Variants in MICU2 observed in about 807,000 individuals in gnomAD.
MICU2 encodes the protein calcium uptake protein 2, mitochondrial.
A neutral mutation model predicts 60.4 loss-of-function variants in MICU2; 64 were observed. The observed-to-expected ratio is 1.06, with a 90% CI of 0.87 to 1.31. The LOEUF (loss-of-function observed/expected upper bound fraction) is 1.31. Ranked by LOEUF, MICU2 falls within the 50% of genes most tolerant of loss-of-function variation. The probability of loss-of-function intolerance (pLI) is 0.00; values close to 1 mark genes in which losing one functional copy is unlikely to be tolerated. For synonymous variants in MICU2, 201 were observed against 175.0 expected (o/e 1.15, Z -1.17); for missense variants, 569 against 531.0 (o/e 1.07, Z -0.70).
intron 2 of MICU2, among the ~76,000 whole-genome samples, chr13:21,563,927 G>A (rs1465350097): frequency 6.6e-6 from 1 of 151,696 alleles, no homozygotes; most frequent in Non-Finnish European, 1.5e-5. Context: ...CTCAGCCTCT[G>A]AAGTAGCTAG....
intron 4 of MICU2, among the ~76,000 whole-genome samples, chr13:21,536,781 A>C (rs1449151584): frequency 6.6e-6 from 1 of 152,258 alleles, no homozygotes; most frequent in Admixed American, 6.5e-5. Flanking sequence ...AACAGGAAAC[A>C]ATAATTAATT....
At chr13:21,499,571 T>A (rs185692648) in intron 9 of MICU2, among the ~76,000 whole-genome samples, 1 of 151,864 alleles carries the variant, frequency 6.6e-6, no homozygotes, top group Non-Finnish European at 1.5e-5. Flanking sequence ...CCACCACGCC[T>A]GTCTAATTTT....
chr13:21,525,442 C>T (rs887856239), intron 4 of MICU2, among the ~76,000 whole-genome samples: 21 of 151,892 alleles, frequency 1.4e-4, no homozygotes, highest in Admixed American at 3.9e-4. Context: ...CTGCCTGCCT[C>T]GGCCTCCCAA....
In MICU2 at chr13:21,541,583, T is replaced by C. The variant is rs191230220; in HGVS notation, c.359-1895A>G. Among the ~76,000 whole-genome samples, 320 of 152,332 alleles carry C rather than the reference T, an allele frequency of 2.1e-3. 1 individual carries two copies. Among genetic ancestry groups the C allele is most frequent in the African/African-American group, 7.5e-3 (310 of 41,568 alleles). ...TCTTCTTATCCAGGTCCCTGTCTTT[T>C]GGATAAATTATTATATCCCCACTTT... is the stretch of plus-strand genomic sequence containing the variant. On this transcript the variant is annotated intron_variant, in intron 2 of 11. Transcript: ENST00000382374.
intron 4 of MICU2, among the ~76,000 whole-genome samples, chr13:21,524,458 A>G (rs1325813516): frequency 2.0e-5 from 3 of 152,196 alleles, no homozygotes; most frequent in Non-Finnish European, 2.9e-5. Context: ...CCACACCTAA[A>G]AAAGTATCAA....
chr13:21,596,668 C>T (rs1203401746), intron 1 of MICU2, among the ~76,000 whole-genome samples: 2 of 152,304 alleles, frequency 1.3e-5, no homozygotes, highest in Middle Eastern at 3.4e-3. Context: ...AAGCGATACA[C>T]CCGCCTCGGC....
chr13:21,519,602 C>A (rs1886665858), intron 6 of MICU2, among the ~76,000 whole-genome samples: 1 of 152,180 alleles, frequency 6.6e-6, no homozygotes, highest in Non-Finnish European at 1.5e-5. Flanking sequence ...CCTTTGGGGT[C>A]ATATACTTTC....
chr13:21,566,577 C>G (rs896512571), intron 2 of MICU2, among the ~76,000 whole-genome samples: 1 of 151,788 alleles, frequency 6.6e-6, no homozygotes, highest in Admixed American at 6.6e-5. Context: ...AAAACTTAAA[C>G]TATTTTTCCT....
intron 1 of MICU2, among the ~76,000 whole-genome samples, chr13:21,601,132 A>T (rs1301184743): frequency 6.6e-6 from 1 of 152,180 alleles, no homozygotes; most frequent in Non-Finnish European, 1.5e-5. Context: ...CGCGTCAGGA[A>T]GAGTTTACCA....
intron 4 of MICU2, among the ~76,000 whole-genome samples, chr13:21,532,753 G>T (rs555558527): frequency 1.3e-5 from 2 of 152,152 alleles, no homozygotes; most frequent in Non-Finnish European, 2.9e-5. Flanking sequence ...TGTCCTCATT[G>T]AATTGGTAAC....
At chr13:21,509,739 G>A (rs1192952039) in intron 8 of MICU2, among the ~76,000 whole-genome samples, 5 of 152,308 alleles carry the variant, frequency 3.3e-5, no homozygotes, top group South Asian at 2.1e-4. Flanking sequence ...GTTCTTTGTT[G>A]CAAACATTAA....
At chr13:21,555,004 G>T (rs1435693908) in intron 2 of MICU2, among the ~76,000 whole-genome samples, 1 of 152,048 alleles carries the variant, frequency 6.6e-6, no homozygotes, top group Non-Finnish European at 1.5e-5. Context: ...CCAATAACAG[G>T]CTCTGAAATT....
intron 4 of MICU2, among the ~76,000 whole-genome samples, chr13:21,526,276 T>C (rs916363501): frequency 6.6e-6 from 1 of 151,838 alleles, no homozygotes; most frequent in Admixed American, 6.6e-5. Flanking sequence ...ATGTCTCTCT[T>C]AATATATACG....
chr13:21,569,657 A>AGTATTATATATTAATATATAATACTCT (rs1888062523), intron 1 of MICU2, among the ~76,000 whole-genome samples: 1 of 151,840 alleles, frequency 6.6e-6, no homozygotes, highest in East Asian at 1.9e-4. Flanking sequence ...AATATACTGT[A>AGTATTATATATTAATATATAATACTCT]GTATTATATA....
At chr13:21,513,816 G>GT (rs1383608157) in intron 7 of MICU2, among the ~76,000 whole-genome samples, 2 of 147,634 alleles carry the variant, frequency 1.4e-5, no homozygotes, top group African/African-American at 5.0e-5. Context: ...ACAATGTAGA[G>GT]TATGTTACTT....
chr13:21,566,883 A>T lies in MICU2; in HGVS notation c.272T>A (p.Met91Lys), dbSNP rs1192448601. The T allele has an allele frequency of 1.2e-6, 2 of 1,613,222 alleles. No individual in the cohort carries two copies. Among genetic ancestry groups the T allele is most frequent in the African/African-American group, 1.3e-5 (1 of 75,008 alleles). The stretch of plus-strand genomic sequence containing the variant: ...TTCATGTTCGAGTGAAGAAAACTGC[A>T]TGAAGCGCTGCTTACGAAGAGACGG... Reference protein sequence around the residue: ...GKPSLRKQRFMQFSSLEHEGE... With the variant: ...GKPSLRKQRFKQFSSLEHEGE... The change falls in exon 2 of 12, where the codon ATG becomes AAG. Residue 91 changes from methionine to lysine, a missense_variant. Physicochemically the swap from Met to Lys is moderately conservative, Grantham distance 95. Transcript: ENST00000382374.
chr13:21,575,788 CCCACCAAGGTATCATCAATATCATTT>C (rs1364276159), intron 1 of MICU2, among the ~76,000 whole-genome samples: 1 of 150,526 alleles, frequency 6.6e-6, no homozygotes. Context: ...TCTGAATACT[CCCACCAAGGTATCATCAATATCATTT>C]ATTGCAACTA....
intron 1 of MICU2, among the ~76,000 whole-genome samples, chr13:21,578,158 C>T (rs1460947306): frequency 4.6e-5 from 7 of 152,192 alleles, no homozygotes; most frequent in Non-Finnish European, 8.8e-5. Context: ...TGCCTGTTTA[C>T]TACATTGAAG....
chr13:21,599,434 A>T (rs899825269), intron 1 of MICU2, among the ~76,000 whole-genome samples: 3 of 152,218 alleles, frequency 2.0e-5, no homozygotes, highest in Non-Finnish European at 4.4e-5. Context: ...CAAATATAAC[A>T]TTGTAATGGG....
Sources: allele counts gnomAD v4.1 joint callset (sites outside exome capture counted in the v4.1 genomes callset), GRCh38; gene constraint gnomAD v4.1.1; transcripts MANE v1.5; gene names NCBI Gene and HGNC (gene_info 2026-07-23, HGNC 2026-07-21).